Variants in TMPRSS11F observed in about 807,000 individuals in gnomAD.
TMPRSS11F encodes transmembrane protease serine 11F.
In TMPRSS11F, 47 loss-of-function variants were observed where a neutral mutation model predicts 60.2. That is an observed-to-expected ratio of 0.78 (90% confidence interval 0.62 to 1.00). The LOEUF (loss-of-function observed/expected upper bound fraction) is 1.00. TMPRSS11F is among the 50% of genes least tolerant of loss of function. The pLI, the probability that TMPRSS11F is intolerant of heterozygous loss-of-function variation, is 0.00. For synonymous variants in TMPRSS11F, 166 were observed against 167.3 expected (o/e 0.99, Z 0.06); for missense variants, 519 against 522.9 (o/e 0.99, Z 0.07).
intron 1 of TMPRSS11F, among the ~76,000 whole-genome samples, chr4:68,127,750 T>C (rs1724741658): frequency 6.6e-6 from 1 of 152,090 alleles, no homozygotes. Context: ...ATCTGAATCA[T>C]ATATCCATAA....
Position 68,067,240 on chromosome 4 carries a change from A to T in TMPRSS11F, c.755+1378T>A, listed in dbSNP as rs143718670. 5.9e-5 allele frequency among the ~76,000 whole-genome samples: 9 copies of T among 152,352 alleles called. No individual in the cohort carries two copies. The East Asian group carries it at 1.7e-3, about 29-fold the overall frequency. ...TTTCATTTAAAAACTTCTTAAAAGC[A>T]GTTTAAAAATTTACTGCATCTAATC... is the stretch of plus-strand genomic sequence containing the variant. On this transcript the variant is annotated intron_variant, in intron 7 of 9. Coordinates refer to ENST00000356291, the MANE Select transcript of TMPRSS11F (RefSeq NM_207407.2).
chr4:68,059,082 T>C (rs1262559448), intron 9 of TMPRSS11F, among the ~76,000 whole-genome samples: 2 of 152,204 alleles, frequency 1.3e-5, no homozygotes, highest in Admixed American at 1.3e-4. Context: ...ATGAATATGG[T>C]AATTATAATA....
At chr4:68,062,160 T>G (rs13122770) in intron 8 of TMPRSS11F, 1 of 418,340 alleles carries the variant, frequency 2.4e-6, no homozygotes, top group East Asian at 7.0e-5. Flanking sequence ...AAATAATATG[T>G]AGAGTGATAT....
intron 8 of TMPRSS11F, chr4:68,063,316 TTTC>T (rs1459193162): frequency 9.9e-6 from 5 of 506,832 alleles, no homozygotes; most frequent in Non-Finnish European, 1.9e-5. Flanking sequence ...AACTTAAGTA[TTTC>T]TTATTTCTCA....
At chr4:68,103,869 T>TTAACCAA (rs1724244638) in intron 1 of TMPRSS11F, among the ~76,000 whole-genome samples, 22 of 152,304 alleles carry the variant, frequency 1.4e-4, no homozygotes, top group Admixed American at 1.1e-3. Flanking sequence ...TTCACTTCCT[T>TTAACCAA]GGTTAAATTT....
chr4:68,062,300 G>T (rs1723200491), intron 8 of TMPRSS11F: 1 of 439,350 alleles, frequency 2.3e-6, no homozygotes, highest in Non-Finnish European at 4.4e-6. Context: ...AATTTCTGGA[G>T]GACTGTTAGT....
intron 3 of TMPRSS11F, among the ~76,000 whole-genome samples, chr4:68,088,591 T>A (rs1267458443): frequency 6.6e-6 from 1 of 152,052 alleles, no homozygotes; most frequent in Non-Finnish European, 1.5e-5. Context: ...AGAATATACA[T>A]TTTTTTCAGC....
chr4:68,113,791 CATTT>C (rs1724458845), intron 1 of TMPRSS11F, among the ~76,000 whole-genome samples: 1 of 152,210 alleles, frequency 6.6e-6, no homozygotes, highest in South Asian at 2.1e-4. Flanking sequence ...ACCTAGTTGA[CATTT>C]ATAGAACACT....
chr4:68,122,289 C>T (rs189224115), intron 1 of TMPRSS11F, among the ~76,000 whole-genome samples: 15 of 152,164 alleles, frequency 9.9e-5, no homozygotes, highest in Admixed American at 9.2e-4. Context: ...TTCTGATAGA[C>T]CCTACTTTTA....
chr4:68,113,988 C>T (rs1724462845), intron 1 of TMPRSS11F, among the ~76,000 whole-genome samples: 1 of 151,914 alleles, frequency 6.6e-6, no homozygotes. Flanking sequence ...TCTGGAAAAT[C>T]CCCAAATATT....
chr4:68,070,707 A>G (rs1723440982), intron 5 of TMPRSS11F, among the ~76,000 whole-genome samples: 1 of 152,046 alleles, frequency 6.6e-6, no homozygotes, highest in South Asian at 2.1e-4. Flanking sequence ...TTATTCATTC[A>G]TTTTCATTAT....
intron 2 of TMPRSS11F, among the ~76,000 whole-genome samples, chr4:68,096,203 A>G (rs1177654119): frequency 1.3e-5 from 2 of 152,152 alleles, no homozygotes; most frequent in Non-Finnish European, 2.9e-5. Flanking sequence ...CCTCAAAAAA[A>G]TACGTACAAT....
rs745671261 is a variant in TMPRSS11F, at chr4:68,064,720, A to G, written c.980T>C (p.Val327Ala). 9.3e-6 allele frequency: 15 copies of G among 1,614,152 alleles called. No homozygotes were observed. Among genetic ancestry groups the G allele is most frequent in the Non-Finnish European group, 1.3e-5 (15 of 1,180,026 alleles). ...SSIKLPPKTS[V>A]FVTGFGSIVD... ...AATGGATCCAAATCCTGTGACGAAC[A>G]CACTTGTTTTAGGTGGCAACTTTAT... The change falls in exon 8 of 10, where the codon GTG becomes GCG. Residue 327 changes from valine to alanine, a missense_variant. Physicochemically the swap from Val to Ala is moderately conservative, Grantham distance 64. Coordinates refer to ENST00000356291, the MANE Select transcript of TMPRSS11F (RefSeq NM_207407.2).
chr4:68,058,404 T>C (rs78177347), intron 9 of TMPRSS11F, among the ~76,000 whole-genome samples: 4,495 of 152,186 alleles, frequency 0.03, 93 homozygotes, highest in Non-Finnish European at 0.044. Context: ...AAGTAGAAGC[T>C]GGAAGAAAGG....
At chr4:68,070,832 T>C (rs1437202454) in intron 5 of TMPRSS11F, among the ~76,000 whole-genome samples, 1 of 152,210 alleles carries the variant, frequency 6.6e-6, no homozygotes, top group Non-Finnish European at 1.5e-5. Context: ...CAAAAAGGGA[T>C]GCGAGCCCCA....
chr4:68,070,909 T>TA (rs1723447635), intron 5 of TMPRSS11F, among the ~76,000 whole-genome samples: 1 of 152,178 alleles, frequency 6.6e-6, no homozygotes, highest in African/African-American at 2.4e-5. Context: ...GAAGAAAACA[T>TA]ACACAGTTAA....
intron 1 of TMPRSS11F, among the ~76,000 whole-genome samples, chr4:68,116,443 GCAATCCTGT>G (rs1724520399): frequency 6.6e-6 from 1 of 152,000 alleles, no homozygotes; most frequent in African/African-American, 2.4e-5. Flanking sequence ...CAGGTTCAAT[GCAATCCTGT>G]CAAAATCTCA....
At chr4:68,064,189 C>CTT (rs571554504) in intron 8 of TMPRSS11F, among the ~76,000 whole-genome samples, 4 of 119,800 alleles carry the variant, frequency 3.3e-5, no homozygotes, top group Admixed American at 2.6e-4. Flanking sequence ...TCTTTTTTTT[C>CTT]TTTTTTTTTT....
chr4:68,087,283 C>T (rs1029038390), intron 3 of TMPRSS11F, among the ~76,000 whole-genome samples: 3 of 152,208 alleles, frequency 2.0e-5, no homozygotes, highest in East Asian at 1.9e-4. Flanking sequence ...CCAATAGATG[C>T]AGAAAAAGCT....
Sources: allele counts gnomAD v4.1 joint callset (sites outside exome capture counted in the v4.1 genomes callset), GRCh38; gene constraint gnomAD v4.1.1; transcripts MANE v1.5; gene names NCBI Gene and HGNC (gene_info 2026-07-23, HGNC 2026-07-21).